The following NLK variants were observed in gnomAD, a reference collection of about 807,000 sequenced individuals.
The protein encoded by NLK is serine/threonine-protein kinase NLK.
In NLK, 11 loss-of-function variants were observed where a neutral mutation model predicts 59.0. The observed-to-expected ratio is 0.19, with a 90% CI of 0.12 to 0.31. The LOEUF is 0.31. Ranked by LOEUF, NLK falls within the 10% of genes least tolerant of loss-of-function variation. The pLI, the probability that NLK is intolerant of heterozygous loss-of-function variation, is 1.00. For synonymous variants in NLK, 235 were observed against 235.9 expected (o/e 1.00, Z 0.03); for missense variants, 410 against 661.1 (o/e 0.62, Z 4.16).
At chr17:28,066,978 A>T (rs1909846827) in intron 1 of NLK, among the ~76,000 whole-genome samples, 1 of 152,196 alleles carries the variant, frequency 6.6e-6, no homozygotes, top group Non-Finnish European at 1.5e-5. Context: ...AATGATCTTT[A>T]CATATTCCGG....
At chr17:28,168,372 A>G (rs34876265) in intron 5 of NLK, 76 bp from the exon 6 acceptor site, 2 of 1,081,094 alleles carry the variant, frequency 1.8e-6, no homozygotes, top group East Asian at 2.4e-5. Flanking sequence ...TCAGTGCCCT[A>G]TCAAAATTTT....
At chr17:28,143,837 A>G (rs1907118950) in intron 3 of NLK, among the ~76,000 whole-genome samples, 1 of 152,182 alleles carries the variant, frequency 6.6e-6, no homozygotes, top group South Asian at 2.1e-4. Context: ...TTTCACACAT[A>G]CGCACAACTT....
chr17:28,118,614 G>A (rs1281171094), intron 1 of NLK, among the ~76,000 whole-genome samples: 1 of 152,154 alleles, frequency 6.6e-6, no homozygotes, highest in Admixed American at 6.5e-5. Flanking sequence ...ATTTGTGGCA[G>A]TGTTCCGTTT....
chr17:28,061,498 G>A (rs1909634300), intron 1 of NLK, among the ~76,000 whole-genome samples: 1 of 152,116 alleles, frequency 6.6e-6, no homozygotes, highest in East Asian at 1.9e-4. Flanking sequence ...GGCCTCAGCT[G>A]TAAGACACTT....
At chr17:28,197,439 A>C (rs1251863868), downstream of NLK, among the ~76,000 whole-genome samples, 1 of 151,722 alleles carries the variant, frequency 6.6e-6, no homozygotes, top group African/African-American at 2.4e-5. Flanking sequence ...AGTGCACTCC[A>C]GACTGGGCAA....
At chr17:28,119,760 T>G (rs2142815254) in intron 1 of NLK, among the ~76,000 whole-genome samples, 1 of 152,322 alleles carries the variant, frequency 6.6e-6, no homozygotes, top group Middle Eastern at 3.4e-3. Flanking sequence ...TGGAGAAGCC[T>G]GGCAGACACC....
intron 6 of NLK, among the ~76,000 whole-genome samples, 161 bp from the exon 7 acceptor site, chr17:28,172,356 T>G (rs765308529): frequency 1.3e-5 from 2 of 152,078 alleles, no homozygotes; most frequent in Non-Finnish European, 2.9e-5. Context: ...TCTTTTTTAA[T>G]AGGCCAGAAA....
In NLK at chr17:28,042,906, A is replaced by T; in HGVS notation, c.33A>T (p.Lys11Asn). ...TTTGTGGCGCAAGAGCCAACGCAAA[A>T]ATGATGGCGGCTTACAATGGCGGTA... MSLCGARANA[K>N]MMAAYNGGTS... The change falls in exon 1 of 11, where the codon AAA becomes AAT. Residue 11 changes from lysine to asparagine, a missense_variant. Physicochemically the swap from Lys to Asn is moderately conservative, Grantham distance 94. Around this residue, in one of 5 missense-constraint regions of NLK, gnomAD observed 160 missense variants for 171.0 expected, o/e 0.94. Transcript: ENST00000407008. The T allele has an allele frequency of 1.3e-6, 2 of 1,532,956 alleles. No homozygotes were observed. The highest frequency in any genetic ancestry group is 2.5e-5 in the South Asian group (2 of 81,400). The allele number at this position is 1,532,956 out of a possible 1,614,324, so 95.0% of individuals were successfully genotyped here. A position where few individuals can be genotyped will look rare whatever the true frequency, so the allele number is the denominator to read the frequency against.
intron 1 of NLK, among the ~76,000 whole-genome samples, chr17:28,094,707 G>A (rs1195245581): frequency 6.6e-6 from 1 of 152,146 alleles, no homozygotes; most frequent in Non-Finnish European, 1.5e-5. Flanking sequence ...GTGAAAATAA[G>A]CATCTGGTAA....
At chr17:28,130,522 C>T (rs1012897571) in intron 2 of NLK, among the ~76,000 whole-genome samples, 1 of 152,134 alleles carries the variant, frequency 6.6e-6, no homozygotes, top group African/African-American at 2.4e-5. Flanking sequence ...TTTTATATGG[C>T]TTTTTTACAA....
Position 28,155,102 on chromosome 17 carries a change from A to C in NLK, c.645-6058A>C, listed in dbSNP as rs536492391. ...TTAACAATGATCACTTGGTTAAATGAATTATAATATAGCCACACGTTAGAA... is the reference window on the plus strand; with the variant it reads ...TTAACAATGATCACTTGGTTAAATGCATTATAATATAGCCACACGTTAGAA... On this transcript the variant is annotated intron_variant, in intron 3 of 10. Coordinates refer to ENST00000407008, the MANE Select transcript of NLK (RefSeq NM_016231.5). Among the ~76,000 whole-genome samples the C allele has an allele frequency of 3.3e-5, 5 of 152,350 alleles. 1 individual carries two copies. The highest frequency in any genetic ancestry group is 1.2e-4 in the African/African-American group (5 of 41,578).
intron 3 of NLK, among the ~76,000 whole-genome samples, chr17:28,149,202 A>G (rs980438992): frequency 2.6e-5 from 4 of 152,182 alleles, no homozygotes; most frequent in African/African-American, 9.6e-5. Context: ...AGCTGGGAAT[A>G]CAGGTGCGCA....
chr17:28,163,692 A>G, intron 5 of NLK, 64 bp downstream of exon 5: 1 of 980,252 alleles, frequency 1.0e-6, no homozygotes, highest in South Asian at 1.5e-5. Flanking sequence ...TTTAAGAACA[A>G]CATATTTTTG....
At chr17:28,114,203 G>C (rs1567717730) in intron 1 of NLK, among the ~76,000 whole-genome samples, 1 of 152,054 alleles carries the variant, frequency 6.6e-6, no homozygotes, top group African/African-American at 2.4e-5. Flanking sequence ...TTGCTGCTCT[G>C]AATACGCTTG....
At position 28,185,284 on chromosome 17, in the gene NLK, T is replaced by TA; in HGVS notation, c.1236+20dup. The TA allele has an allele frequency of 7.0e-7, 1 of 1,427,954 alleles. No homozygotes were observed. 88.5% of individuals were successfully genotyped at this position (1,427,954 alleles called of 1,614,324 possible). On this transcript the variant is annotated intron_variant, in intron 8 of 10. Transcript: ENST00000407008. ...TGATCCAGTAAGTAGTGTTTTTTTT[T>TA]ATATATTTTTAATGAATTACAAATA...
intron 5 of NLK, among the ~76,000 whole-genome samples, chr17:28,166,494 G>C (rs190545118): frequency 7.2e-5 from 11 of 152,146 alleles, no homozygotes; most frequent in Non-Finnish European, 1.5e-4. Flanking sequence ...TAAGCTGCCG[G>C]AACTCTTTTT....
At chr17:28,049,798 TG>T (rs1189032302) in intron 1 of NLK, among the ~76,000 whole-genome samples, 1 of 152,136 alleles carries the variant, frequency 6.6e-6, no homozygotes, top group Non-Finnish European at 1.5e-5. Context: ...CTGACCAACA[TG>T]GTGAAATCCC....
At position 28,194,983 on chromosome 17, in the gene NLK, T is replaced by TCA. The variant is rs35187605; in HGVS notation, c.*378_*379dup. 23,059 of 158,302 alleles carry TCA rather than the reference T, an allele frequency of 0.15. 1,653 individuals carry two copies. Among genetic ancestry groups the TCA allele is most frequent in the Non-Finnish European group, 0.15 (11,189 of 74,058 alleles). The allele number at this position is 158,302 out of a possible 1,614,324, so 9.8% of individuals were successfully genotyped here. On this transcript the variant is annotated 3_prime_UTR_variant, in exon 11 of 11. Coordinates refer to ENST00000407008, the MANE Select transcript of NLK (RefSeq NM_016231.5). ...CTTTTCTAAAATGAAGTGAGATTGT[T>TCA]CACACACACACACACACACACACAC... is the stretch of plus-strand genomic sequence containing the variant.
chr17:28,196,966 A>T (rs530532541), downstream of NLK, among the ~76,000 whole-genome samples: 12 of 152,134 alleles, frequency 7.9e-5, no homozygotes, highest in Admixed American at 6.5e-4. Context: ...AAATGAATGG[A>T]TTTTTTTTCC....
Sources: allele counts gnomAD v4.1 joint callset (sites outside exome capture counted in the v4.1 genomes callset), GRCh38; gene constraint gnomAD v4.1.1; regional missense constraint gnomAD v4.1.1; transcripts MANE v1.5; gene names NCBI Gene and HGNC (gene_info 2026-07-23, HGNC 2026-07-21).